The following CPQ variants were observed in gnomAD, a reference collection of about 807,000 sequenced individuals.
CPQ encodes Ser-Met dipeptidase.
In CPQ, 37 loss-of-function variants were observed where a neutral mutation model predicts 45.7. The observed-to-expected ratio is 0.81, with a 90% confidence interval of 0.62 to 1.07. The LOEUF (loss-of-function observed/expected upper bound fraction) is 1.07. CPQ is among the 50% of genes least tolerant of loss of function. The pLI is 0.00. For synonymous variants in CPQ, 186 were observed against 205.8 expected (o/e 0.90, Z 0.82); for missense variants, 537 against 572.9 (o/e 0.94, Z 0.64).
intron 1 of CPQ, among the ~76,000 whole-genome samples, chr8:96,694,868 A>G (rs1809351701): frequency 1.3e-5 from 2 of 152,188 alleles, no homozygotes; most frequent in South Asian, 4.1e-4. Flanking sequence ...CTAGAAAAGC[A>G]GTTTTTTCCA....
intron 1 of CPQ, among the ~76,000 whole-genome samples, chr8:96,686,822 A>AT (rs1269081819): frequency 4.6e-5 from 7 of 152,232 alleles, no homozygotes; most frequent in African/African-American, 1.7e-4. Flanking sequence ...GTGTTGAACT[A>AT]TTTTGTTGGG....
chr8:96,897,646 A>G (rs943916222), intron 4 of CPQ, among the ~76,000 whole-genome samples: 1 of 152,200 alleles, frequency 6.6e-6, no homozygotes, highest in Non-Finnish European at 1.5e-5. Flanking sequence ...AGAAACATAA[A>G]TTAATTTTGT....
At position 96,713,668 on chromosome 8, in the gene CPQ, CATGGGGATT is replaced by C. The variant is rs529608347; in HGVS notation, c.-35+68272_-35+68280del. ...CTCCCACTGGGTTCCTTCCACAGTG[CATGGGGATT>C]ATGGGAACTACAACTCAAGATGAGA... On this transcript the variant is annotated intron_variant, in intron 1 of 7. Transcript: ENST00000220763. 3.1e-4 allele frequency among the ~76,000 whole-genome samples: 47 copies of C among 152,260 alleles called. No individual in the cohort carries two copies. In the South Asian group the frequency reaches 9.3e-3, roughly 30 times the overall value.
intron 1 of CPQ, among the ~76,000 whole-genome samples, chr8:96,652,635 T>G (rs1161403309): frequency 1.3e-5 from 2 of 151,972 alleles, no homozygotes; most frequent in Non-Finnish European, 2.9e-5. Flanking sequence ...TCACCAGAAT[T>G]TTTTTTTGTT....
intron 4 of CPQ, among the ~76,000 whole-genome samples, chr8:96,963,389 C>A (rs1813496253): frequency 6.6e-6 from 1 of 152,112 alleles, no homozygotes; most frequent in Non-Finnish European, 1.5e-5. Flanking sequence ...CTCTTAGAAA[C>A]AATCCATTTG....
At chr8:96,926,564 C>CTTCTTCTTCTTCTTCT (rs1563530761) in intron 4 of CPQ, among the ~76,000 whole-genome samples, 2 of 64,318 alleles carry the variant, frequency 3.1e-5, no homozygotes, top group African/African-American at 1.9e-4. Context: ...CTTCCTCTTC[C>CTTCTTCTTCTTCTTCT]TCTTCCTCTT....
chr8:96,994,419 G>A (rs1023395868), intron 5 of CPQ, among the ~76,000 whole-genome samples: 1 of 152,158 alleles, frequency 6.6e-6, no homozygotes, highest in Non-Finnish European at 1.5e-5. Flanking sequence ...CTTGGAAGCT[G>A]TTAGCAAAAG....
At chr8:97,131,953 C>A (rs930143765) in intron 7 of CPQ, among the ~76,000 whole-genome samples, 3 of 152,202 alleles carry the variant, frequency 2.0e-5, no homozygotes, top group African/African-American at 7.2e-5. Context: ...CACAGCAAAA[C>A]ATTCCCTTCA....
Position 96,835,304 on chromosome 8 carries a change from C to G in CPQ, c.641+124C>G, listed in dbSNP as rs182561137. The G allele has an allele frequency of 6.0e-4, 399 of 660,438 alleles. 5 individuals carry two copies. In the Admixed American group the frequency reaches 0.011, roughly 19 times the overall value. 40.9% of individuals were successfully genotyped at this position (660,438 alleles called of 1,614,324 possible). ...CTTATTGTTCATGGAGTTTCCCCCC[C>G]AAACACACACACCCATTCCACATTT... On this transcript the variant is annotated intron_variant, in intron 3 of 7. Coordinates refer to ENST00000220763, the MANE Select transcript of CPQ (RefSeq NM_016134.4).
intron 5 of CPQ, among the ~76,000 whole-genome samples, chr8:97,005,377 G>A (rs1486904577): frequency 1.3e-5 from 2 of 151,720 alleles, no homozygotes; most frequent in African/African-American, 4.8e-5. Flanking sequence ...ACCGCTCCTG[G>A]CCTATGATCA....
intron 4 of CPQ, among the ~76,000 whole-genome samples, chr8:96,924,987 C>A (rs1232837416): frequency 6.6e-6 from 1 of 152,104 alleles, no homozygotes; most frequent in Non-Finnish European, 1.5e-5. Context: ...TGGGCTGGGG[C>A]CAAAAGTAAC....
chr8:96,897,574 A>G (rs1812459740), intron 4 of CPQ, among the ~76,000 whole-genome samples: 2 of 152,218 alleles, frequency 1.3e-5, no homozygotes. Flanking sequence ...CAATTGTTTC[A>G]TGTACAAAAT....
chr8:97,055,101 G>A (rs1810430243), intron 6 of CPQ, among the ~76,000 whole-genome samples: 2 of 152,094 alleles, frequency 1.3e-5, no homozygotes, highest in South Asian at 2.1e-4. Context: ...TGTGATTGTT[G>A]GTTTTGCTCT....
intron 7 of CPQ, among the ~76,000 whole-genome samples, chr8:97,112,420 C>G (rs750324304): frequency 6.6e-6 from 1 of 152,098 alleles, no homozygotes; most frequent in Non-Finnish European, 1.5e-5. Flanking sequence ...GAGAGTTACC[C>G]AGAAGTCAGC....
At chr8:96,949,674 T>C (rs938245384) in intron 4 of CPQ, among the ~76,000 whole-genome samples, 1 of 152,116 alleles carries the variant, frequency 6.6e-6, no homozygotes, top group Non-Finnish European at 1.5e-5. Flanking sequence ...GTAGTTGTAG[T>C]TTTGTTTTTA....
At chr8:97,132,082 A>T (rs1811967983) in intron 7 of CPQ, among the ~76,000 whole-genome samples, 1 of 152,160 alleles carries the variant, frequency 6.6e-6, no homozygotes, top group African/African-American at 2.4e-5. Flanking sequence ...GGTTGTAAAG[A>T]ATTAGTTAGT....
chr8:96,773,606 T>C (rs1366492686), intron 1 of CPQ, among the ~76,000 whole-genome samples: 1 of 152,208 alleles, frequency 6.6e-6, no homozygotes, highest in African/African-American at 2.4e-5. Context: ...TAACAAAGAA[T>C]TATTTTGAAG....
chr8:96,823,957 T>G (rs964307393), intron 2 of CPQ, among the ~76,000 whole-genome samples: 2 of 152,068 alleles, frequency 1.3e-5, no homozygotes, highest in Non-Finnish European at 2.9e-5. Context: ...AAAATATACA[T>G]TTAAGGACCA....
chr8:96,796,472 A>G (rs912513582), intron 2 of CPQ, among the ~76,000 whole-genome samples: 1 of 152,152 alleles, frequency 6.6e-6, no homozygotes, highest in African/African-American at 2.4e-5. Flanking sequence ...TTGCATTGAT[A>G]TATCACCTTC....
Sources: gnomAD v4.1 joint callset for allele counts (sites outside exome capture counted in the v4.1 genomes callset) on GRCh38, gnomAD v4.1.1 for gene constraint, MANE v1.5 for transcripts, NCBI Gene and HGNC (gene_info 2026-07-23, HGNC 2026-07-21) for gene names.